Variants in SIPA1L2 observed in about 807,000 individuals in gnomAD.
The protein encoded by SIPA1L2 is signal-induced proliferation-associated 1-like protein 2.
A neutral mutation model predicts 163.9 loss-of-function variants in SIPA1L2; 56 were observed. That is an observed-to-expected ratio of 0.34 (90% CI 0.28 to 0.43). SIPA1L2 has a LOEUF of 0.43. Ranked by LOEUF, SIPA1L2 falls within the 20% of genes least tolerant of loss-of-function variation. The pLI is 1.00. For missense variants in SIPA1L2, 1,974 were observed against 2,193.5 expected, an observed-to-expected ratio of 0.90 and a Z score of 2.00; for synonymous variants, 877 against 865.7, an observed-to-expected ratio of 1.01 and a Z score of -0.23.
At chr1:232,409,571 C>T (rs1029877140) in intron 19 of SIPA1L2, among the ~76,000 whole-genome samples, 17 of 152,294 alleles carry the variant, frequency 1.1e-4, no homozygotes, top group African/African-American at 4.1e-4. Flanking sequence ...ACATTCAAAA[C>T]CAGGCCTTAA....
chr1:232,444,175 T>C (rs1050635932), intron 11 of SIPA1L2, among the ~76,000 whole-genome samples: 4 of 152,196 alleles, frequency 2.6e-5, no homozygotes, highest in Non-Finnish European at 5.9e-5. Flanking sequence ...TTTTCAGACA[T>C]GCAAAAATGA....
At chr1:232,602,627 C>T (rs1173875284) in intron 1 of SIPA1L2, among the ~76,000 whole-genome samples, 10 of 149,448 alleles carry the variant, frequency 6.7e-5, no homozygotes, top group Non-Finnish European at 1.5e-4. Flanking sequence ...CTGCCTCTGG[C>T]CACCCTCAGA....
intron 2 of SIPA1L2, among the ~76,000 whole-genome samples, chr1:232,528,860 G>A (rs1211849655): frequency 6.6e-6 from 1 of 152,090 alleles, no homozygotes; most frequent in Non-Finnish European, 1.5e-5. Flanking sequence ...TGACACTTTT[G>A]GTTTCTGCCT....
intron 2 of SIPA1L2, among the ~76,000 whole-genome samples, chr1:232,526,494 A>G (rs939163964): frequency 1.5e-4 from 23 of 152,338 alleles, no homozygotes; most frequent in Middle Eastern, 3.4e-3. Context: ...TGAAGCTCAC[A>G]GTAGGGTTTG....
chr1:232,477,959 G>A (rs548198986), intron 7 of SIPA1L2, among the ~76,000 whole-genome samples: 37 of 152,142 alleles, frequency 2.4e-4, no homozygotes, highest in Non-Finnish European at 5.3e-4. Context: ...TTCTGCTAAC[G>A]TACTGACAGA....
intron 1 of SIPA1L2, among the ~76,000 whole-genome samples, chr1:232,605,699 C>T (rs1573163665): frequency 1.1e-4 from 1 of 8,942 alleles, no homozygotes; most frequent in African/African-American, 4.0e-4. Context: ...GTCTTAAAAA[C>T]AAAACAAAAC....
At chr1:232,464,728 G>T in intron 9 of SIPA1L2, 112 bp downstream of exon 9, 1 of 866,710 alleles carries the variant, frequency 1.2e-6, no homozygotes, top group Non-Finnish European at 1.7e-6. Context: ...GTAACAAATA[G>T]TAATGCATTC....
At chr1:232,428,636 G>C in intron 16 of SIPA1L2, 72 bp from the exon 17 acceptor site, 3 of 1,252,724 alleles carry the variant, frequency 2.4e-6, no homozygotes, top group Non-Finnish European at 2.1e-6. Flanking sequence ...TTAAAACCTA[G>C]GAAGCAGTTT....
chr1:232,492,703 C>T (rs1006655290), intron 4 of SIPA1L2, among the ~76,000 whole-genome samples: 1 of 152,094 alleles, frequency 6.6e-6, no homozygotes, highest in Non-Finnish European at 1.5e-5. Context: ...GTAGCCTCTT[C>T]GTTTTGGCCA....
At chr1:232,498,542 G>C (rs1044705806) in intron 3 of SIPA1L2, among the ~76,000 whole-genome samples, 1 of 152,154 alleles carries the variant, frequency 6.6e-6, no homozygotes, top group African/African-American at 2.4e-5. Flanking sequence ...AAAAATCAAG[G>C]TTCTGGAGTG....
At chr1:232,416,734 T>G (rs755836128) in intron 18 of SIPA1L2, among the ~76,000 whole-genome samples, 1 of 152,180 alleles carries the variant, frequency 6.6e-6, no homozygotes, top group Admixed American at 6.5e-5. Context: ...AGCACACACA[T>G]AGTGGTTGGA....
At chr1:232,461,718 A>C (rs964505203) in intron 9 of SIPA1L2, among the ~76,000 whole-genome samples, 3 of 152,204 alleles carry the variant, frequency 2.0e-5, no homozygotes, top group African/African-American at 4.8e-5. Flanking sequence ...TTAAGAGCCC[A>C]CTCTGAGGTT....
At chr1:232,522,766 C>T (rs1667514904) in intron 2 of SIPA1L2, among the ~76,000 whole-genome samples, 3 of 151,956 alleles carry the variant, frequency 2.0e-5, no homozygotes, top group African/African-American at 4.8e-5. Context: ...GATCTAAAGC[C>T]GTGAAATAGC....
chr1:232,469,493 T>C (rs1664692833), intron 8 of SIPA1L2, among the ~76,000 whole-genome samples: 2 of 152,190 alleles, frequency 1.3e-5, no homozygotes, highest in African/African-American at 2.4e-5. Context: ...TCAAGATTAT[T>C]ATTGATTCTT....
chr1:232,583,711 G>A (rs1434469704), intron 1 of SIPA1L2, among the ~76,000 whole-genome samples: 1 of 152,192 alleles, frequency 6.6e-6, no homozygotes, highest in Non-Finnish European at 1.5e-5. Context: ...AAAAGCAACT[G>A]TAATAAACTA....
intron 1 of SIPA1L2, among the ~76,000 whole-genome samples, chr1:232,622,800 G>A (rs950402233): frequency 6.6e-6 from 1 of 152,178 alleles, no homozygotes; most frequent in Non-Finnish European, 1.5e-5. Context: ...GGTATAAACT[G>A]TTGTTCAAGA....
chr1:232,491,425 A>T lies in SIPA1L2; in HGVS notation c.1618-363T>A, dbSNP rs143463672. Among the ~76,000 whole-genome samples the T allele has an allele frequency of 1.1e-3, 170 of 152,258 alleles. 1 individual carries two copies. The highest frequency in any genetic ancestry group is 3.6e-3 in the African/African-American group (151 of 41,568). ...AGACATGATGATCCTGGACCTGACC[A>T]TGATCACCCTTCTTCCATCCTCCCT... On this transcript the variant is annotated intron_variant, in intron 4 of 22. Coordinates refer to ENST00000674635, the MANE Select transcript of SIPA1L2 (RefSeq NM_020808.5).
chr1:232,629,578 CCTGTGTCGCCGAG>C (rs1366919747), intron 1 of SIPA1L2, among the ~76,000 whole-genome samples: 1 of 152,218 alleles, frequency 6.6e-6, no homozygotes, highest in African/African-American at 2.4e-5. Context: ...CTCCTCAGTG[CCTGTGTCGCCGAG>C]ACGGGAATAA....
At chr1:232,504,261 G>T (rs114278649) in intron 3 of SIPA1L2, among the ~76,000 whole-genome samples, 2 of 151,742 alleles carry the variant, frequency 1.3e-5, no homozygotes, top group Non-Finnish European at 2.9e-5. Flanking sequence ...TCAACAGGCC[G>T]GGAGCAGTGG....
Sources: allele counts gnomAD v4.1 joint callset (sites outside exome capture counted in the v4.1 genomes callset), GRCh38; gene constraint gnomAD v4.1.1; transcripts MANE v1.5; gene names NCBI Gene and HGNC (gene_info 2026-07-23, HGNC 2026-07-21).